CDKAL1: variants seen among roughly 807,000 people sequenced by gnomAD.
CDKAL1 encodes the protein CDKAL1 threonylcarbamoyladenosine tRNA methylthiotransferase.
A neutral mutation model predicts 68.2 loss-of-function variants in CDKAL1; 32 were observed. The observed-to-expected ratio is 0.47, with a 90% CI of 0.35 to 0.63. CDKAL1 has a LOEUF of 0.63. CDKAL1 is among the 30% of genes least tolerant of loss of function. The pLI is 0.00. For synonymous variants in CDKAL1, 234 were observed against 244.3 expected, an observed-to-expected ratio of 0.96 and a Z score of 0.39; for missense variants, 606 against 696.7, an observed-to-expected ratio of 0.87 and a Z score of 1.47.
At chr6:21,003,586 A>G (rs940539475) in intron 11 of CDKAL1, among the ~76,000 whole-genome samples, 4 of 151,684 alleles carry the variant, frequency 2.6e-5, no homozygotes, top group Non-Finnish European at 5.9e-5. Context: ...AAAGAAAGAA[A>G]AAAGAAATAA....
intron 11 of CDKAL1, among the ~76,000 whole-genome samples, chr6:21,014,135 A>C (rs1768170176): frequency 1.3e-5 from 2 of 152,200 alleles, no homozygotes; most frequent in African/African-American, 4.8e-5. Flanking sequence ...TGTACAGGAC[A>C]CTTCACTTAT....
chr6:20,739,752 T>C, intron 6 of CDKAL1, 137 bp downstream of exon 6: 1 of 509,008 alleles, frequency 2.0e-6, no homozygotes, highest in Non-Finnish European at 3.5e-6. Flanking sequence ...TTTTCCTTAT[T>C]GTCCCTGAAA....
chr6:21,223,483 C>T (rs951819572), intron 15 of CDKAL1, among the ~76,000 whole-genome samples: 4 of 152,184 alleles, frequency 2.6e-5, no homozygotes, highest in East Asian at 1.9e-4. Context: ...CTGCCTTTCT[C>T]GCTGAATCCT....
chr6:20,865,919 A>G (rs537238427), intron 9 of CDKAL1, among the ~76,000 whole-genome samples: 20 of 152,268 alleles, frequency 1.3e-4, no homozygotes, highest in African/African-American at 4.6e-4. Context: ...TTTGAAAACT[A>G]TTTGCAAACC....
chr6:21,176,702 T>TG (rs1308167079), intron 13 of CDKAL1, among the ~76,000 whole-genome samples: 26 of 146,526 alleles, frequency 1.8e-4, no homozygotes, highest in African/African-American at 6.6e-4. Flanking sequence ...TTTTGTTTTT[T>TG]TTTTTTTTTT....
chr6:20,758,093 T>C (rs1431804080), intron 6 of CDKAL1, among the ~76,000 whole-genome samples: 2 of 151,732 alleles, frequency 1.3e-5, no homozygotes, highest in African/African-American at 4.8e-5. Context: ...TTATTTGACT[T>C]TGTATTTCAT....
At chr6:20,777,963 C>T (rs940984825) in intron 7 of CDKAL1, among the ~76,000 whole-genome samples, 1 of 152,136 alleles carries the variant, frequency 6.6e-6, no homozygotes, top group Non-Finnish European at 1.5e-5. Context: ...CTGTGGGTAA[C>T]TGAATCTGTG....
intron 4 of CDKAL1, among the ~76,000 whole-genome samples, chr6:20,595,356 G>C (rs1252658753): frequency 6.6e-6 from 1 of 152,048 alleles, no homozygotes; most frequent in Non-Finnish European, 1.5e-5. Context: ...GTTCTTGGAG[G>C]CCTTGTTCAT....
chr6:21,006,878 G>A (rs1264760128), intron 11 of CDKAL1, among the ~76,000 whole-genome samples: 1 of 152,018 alleles, frequency 6.6e-6, no homozygotes, highest in Non-Finnish European at 1.5e-5. Context: ...TTTACAATAT[G>A]ATTATGTTAT....
chr6:21,065,323 C>T, intron 12 of CDKAL1, 95 bp downstream of exon 12: 1 of 957,178 alleles, frequency 1.0e-6, no homozygotes, highest in East Asian at 2.8e-5. Flanking sequence ...CATGTTATAA[C>T]CCTTAAATTA....
At chr6:20,896,376 G>C (rs945120585) in intron 9 of CDKAL1, among the ~76,000 whole-genome samples, 2 of 152,024 alleles carry the variant, frequency 1.3e-5, no homozygotes, top group Non-Finnish European at 2.9e-5. Context: ...GGGATTACAG[G>C]TGTGAGCCAC....
intron 13 of CDKAL1, among the ~76,000 whole-genome samples, chr6:21,144,902 A>G (rs1776092272): frequency 6.6e-6 from 1 of 152,170 alleles, no homozygotes; most frequent in African/African-American, 2.4e-5. Flanking sequence ...CTAGCTTTAC[A>G]TATTTTCTAA....
At chr6:20,672,278 CTT>C (rs1562014260) in intron 5 of CDKAL1, among the ~76,000 whole-genome samples, 323 of 128,104 alleles carry the variant, frequency 2.5e-3, no homozygotes, top group African/African-American at 9.9e-3. Flanking sequence ...CTTTTTCTTT[CTT>C]TCTCTCTCTC....
intron 11 of CDKAL1, among the ~76,000 whole-genome samples, chr6:21,008,632 G>A (rs1002223403): frequency 1.1e-4 from 16 of 152,164 alleles, no homozygotes; most frequent in Admixed American, 6.5e-5. Flanking sequence ...TTGTACTAAC[G>A]TCTAAAGTTA....
At chr6:20,663,625 A>G (rs142524081) in intron 5 of CDKAL1, among the ~76,000 whole-genome samples, 23 of 152,258 alleles carry the variant, frequency 1.5e-4, no homozygotes, top group African/African-American at 4.1e-4. Context: ...TGGGACTTAC[A>G]TATATTTTCT....
intron 13 of CDKAL1, among the ~76,000 whole-genome samples, chr6:21,154,550 G>A (rs547166823): frequency 1.4e-4 from 21 of 152,114 alleles, no homozygotes; most frequent in Non-Finnish European, 2.6e-4. Context: ...AGTTTCTGAA[G>A]CAATGGTGTA....
intron 11 of CDKAL1, among the ~76,000 whole-genome samples, chr6:21,033,718 C>T (rs78841275): frequency 2.0e-5 from 3 of 152,196 alleles, no homozygotes; most frequent in Non-Finnish European, 4.4e-5. Flanking sequence ...ACTCGCTTCA[C>T]TATAGACGAT....
intron 11 of CDKAL1, among the ~76,000 whole-genome samples, chr6:21,007,851 G>GGATT (rs1479059268): frequency 1.3e-5 from 2 of 152,126 alleles, no homozygotes; most frequent in Non-Finnish European, 2.9e-5. Context: ...CCAGGCCAGG[G>GGATT]GATTACCCAG....
intron 11 of CDKAL1, among the ~76,000 whole-genome samples, chr6:21,013,535 A>G (rs1284491939): frequency 6.6e-6 from 1 of 152,228 alleles, no homozygotes; most frequent in Non-Finnish European, 1.5e-5. Context: ...CTCAGCTTGC[A>G]ACCAGCTAGC....
Sources: allele counts gnomAD v4.1 joint callset (sites outside exome capture counted in the v4.1 genomes callset), GRCh38; gene constraint gnomAD v4.1.1; transcripts MANE v1.5; gene names NCBI Gene and HGNC (gene_info 2026-07-23, HGNC 2026-07-21).